LRRC46: variants seen among roughly 807,000 people sequenced by gnomAD.
The protein encoded by LRRC46 is leucine rich repeat containing 46.
In LRRC46, 20 loss-of-function variants were observed where a neutral mutation model predicts 28.0. That is an observed-to-expected ratio of 0.71 (90% confidence interval 0.50 to 1.04). LRRC46 has a LOEUF of 1.04. Among genes scored for constraint, LRRC46 ranks in the 50% least tolerant of loss-of-function variants. LRRC46 has a pLI of 0.00. For missense variants in LRRC46, 315 were observed against 390.1 expected, an observed-to-expected ratio of 0.81 and a Z score of 1.62; for synonymous variants, 156 against 158.8, an observed-to-expected ratio of 0.98 and a Z score of 0.13.
Position 47,831,883 on chromosome 17 carries a change from G to A in LRRC46, c.-107G>A. On this transcript the variant is annotated 5_prime_UTR_variant, in exon 1 of 8. Transcript: ENST00000269025. ...CTTTCCTCCTCTCCTAAGTCTCTGA[G>A]TTTCTCTCTCCTCCTGCCATCCTGA... 1 of 1,473,012 alleles carries A rather than the reference G, an allele frequency of 6.8e-7. No individual in the cohort carries two copies. The highest frequency in any genetic ancestry group is 9.4e-7 in the Non-Finnish European group (1 of 1,061,054). The allele number at this position is 1,473,012 out of a possible 1,614,324, so 91.2% of individuals were successfully genotyped here. A position where few individuals can be genotyped will look rare whatever the true frequency, so the allele number is the denominator to read the frequency against.
rs1180751889 is a variant in LRRC46 at position 47,835,388 on chromosome 17, C to G, written c.261C>G (p.Ile87Met). 6.2e-7 allele frequency: 1 copy of G among 1,614,012 alleles called. No individual in the cohort carries two copies. The highest frequency in any genetic ancestry group is 2.2e-5 in the East Asian group (1 of 44,898). The stretch of plus-strand genomic sequence containing the variant: ...AGCAAATTGAGAACCTGGCTTGCAT[C>G]CCCTCCTTGCGGTATGTGGTGCCAG... Reference protein sequence around the residue: ...KIQQIENLACIPSLRFLSLAG... With the variant: ...KIQQIENLACMPSLRFLSLAG... Residue 87 changes from isoleucine (I) to methionine (M), a missense_variant, in exon 4 of 8, where the codon ATC (isoleucine) becomes ATG (methionine). By Grantham distance (10) the Ile-to-Met change is conservative. Coordinates refer to ENST00000269025, the MANE Select transcript of LRRC46 (RefSeq NM_033413.4).
In LRRC46 at chr17:47,834,504, C is replaced by T. The variant is rs866678903; in HGVS notation, c.196C>T (p.Gln66Ter). 6.2e-7 allele frequency: 1 copy of T among 1,612,898 alleles called. No individual in the cohort carries two copies. The highest frequency in any genetic ancestry group is 1.7e-4 in the Middle Eastern group (1 of 6,060). Residue 66 changes from glutamine to a stop codon, truncating the protein, a stop_gained, in exon 3 of 8, where the codon CAG (glutamine) becomes TAG (stop). Coordinates refer to ENST00000269025, the MANE Select transcript of LRRC46 (RefSeq NM_033413.4). LOFTEE classifies it high-confidence loss of function. The part of the protein sequence containing the change: ...ITTIRNLEGL[Q>*]NLHSLYLQGN... ...TACTATCAGGAACTTAGAAGGCCTC[C>T]AGAATCTTCACAGTCTCTATCTGCA...
Position 47,837,133 on chromosome 17 carries a change from CT to C in LRRC46, c.*16del. 1 of 1,598,938 alleles carries C rather than the reference CT, an allele frequency of 6.3e-7. No homozygotes were observed. The highest frequency in any genetic ancestry group is 1.1e-5 in the South Asian group (1 of 89,440). ...AAGCAAGAAATGATTCTCTGTCAAC[CT>C]TTCTCTACTAGTGGAGAGGAGTGGG... On this transcript the variant is annotated 3_prime_UTR_variant, in exon 8 of 8. Coordinates refer to ENST00000269025, the MANE Select transcript of LRRC46 (RefSeq NM_033413.4).
chr17:47,835,754 C>T lies in LRRC46; in HGVS notation c.361C>T (p.Leu121=), dbSNP rs141933480. Residue 121 remains leucine (L), a synonymous_variant, in exon 5 of 8, where the codon CTG becomes TTG. Transcript: ENST00000269025. ...CCAGTTTCTGGACCTTTCTGAGAAC[C>T]TGATAGAAACATTGAAGCTGGGTAG... ...CLQFLDLSEN[L]IETLKLDEFP... 6.3e-5 allele frequency: 102 copies of T among 1,614,048 alleles called. No individual in the cohort carries two copies. Among genetic ancestry groups the T allele is most frequent in the Non-Finnish European group, 7.9e-5 (93 of 1,180,008 alleles).
Position 47,834,482 on chromosome 17 carries a change from T to C in LRRC46, c.174T>C (p.Thr58=). Residue 58 remains threonine, a synonymous_variant, in exon 3 of 8, where the codon ACT becomes ACC. Coordinates refer to ENST00000269025, the MANE Select transcript of LRRC46 (RefSeq NM_033413.4). The stretch of plus-strand genomic sequence containing the variant: ...GCCTGGACCGGGAGGGGATTACTAC[T>C]ATCAGGAACTTAGAAGGCCTCCAGA... ...TVRLDREGIT[T]IRNLEGLQNL... 6.2e-7 allele frequency: 1 copy of C among 1,613,896 alleles called. No individual in the cohort carries two copies. Among genetic ancestry groups the C allele is most frequent in the Non-Finnish European group, 8.5e-7 (1 of 1,179,874 alleles).
chr17:47,832,033 T>C (rs1228643498), intron 1 of LRRC46, 34 bp downstream of exon 1: 13 of 1,613,656 alleles, frequency 8.1e-6, no homozygotes, highest in Non-Finnish European at 1.1e-5. Context: ...GGTAGAGCAG[T>C]TGGAAAACAG....
In LRRC46 at chr17:47,837,704, C is replaced by A; in HGVS notation, c.*584C>A. On this transcript the variant is annotated 3_prime_UTR_variant, in exon 8 of 8. Coordinates refer to ENST00000269025, the MANE Select transcript of LRRC46 (RefSeq NM_033413.4). The stretch of plus-strand genomic sequence containing the variant: ...AGTTCACTGAAGAGAAAATAAAGCA[C>A]ATTTATTAAGGCAAAGGCCAAGCTG... 1.9e-6 allele frequency: 2 copies of A among 1,051,634 alleles called. No individual in the cohort carries two copies. The highest frequency in any genetic ancestry group is 5.9e-5 in the East Asian group (2 of 34,042). The allele number at this position is 1,051,634 out of a possible 1,614,324, so 65.1% of individuals were successfully genotyped here. A position where few individuals can be genotyped will look rare whatever the true frequency, so the allele number is the denominator to read the frequency against.
At chr17:47,835,833 C>T (rs2041875628) in intron 5 of LRRC46, 58 bp downstream of exon 5, 11 of 1,475,652 alleles carry the variant, frequency 7.5e-6, no homozygotes, top group Admixed American at 1.7e-5. Flanking sequence ...CTGCCCTCCC[C>T]TCTGCACCCA....
chr17:47,834,286 G>C lies in LRRC46; in HGVS notation c.117-139G>C, dbSNP rs149628854. On this transcript the variant is annotated intron_variant, in intron 2 of 7. Transcript: ENST00000269025. ...TCTAGACACCACCTCAAGATGTCAA[G>C]ATGTTTCTCACATCTGATTAAAATG... 7.1e-4 allele frequency: 556 copies of C among 783,948 alleles called. 3 individuals are homozygous for C. The highest frequency in any genetic ancestry group is 4.9e-3 in the South Asian group (252 of 51,456). The allele number at this position is 783,948 out of a possible 1,614,324, so 48.6% of individuals were successfully genotyped here. A position where few individuals can be genotyped will look rare whatever the true frequency, so the allele number is the denominator to read the frequency against.
chr17:47,833,849 C>T (rs569986049), intron 2 of LRRC46: 4 of 830,006 alleles, frequency 4.8e-6, no homozygotes, highest in East Asian at 1.2e-4. Flanking sequence ...CTCCTGGGCT[C>T]GAGCGATCCT....
At position 47,835,695 on chromosome 17, in the gene LRRC46, G is replaced by A. The variant is rs2033685166; in HGVS notation, c.302G>A (p.Arg101Lys). Residue 101 changes from arginine (R) to lysine (K), a missense_variant, in exon 5 of 8, where the codon AGG (arginine) becomes AAG (lysine). Arg to Lys is a conservative substitution (Grantham distance 26). Coordinates refer to ENST00000269025, the MANE Select transcript of LRRC46 (RefSeq NM_033413.4). Reference sequence around the variant, plus strand: ...CTGTCTCTGGCAGGAAACCAAATCAGGCAGGTGGAAAACCTCCTCGACCTC... The same window carrying A: ...CTGTCTCTGGCAGGAAACCAAATCAAGCAGGTGGAAAACCTCCTCGACCTC... ...RFLSLAGNQI[R>K]QVENLLDLPC... The A allele has an allele frequency of 2.5e-6, 4 of 1,614,154 alleles. No individual in the cohort carries two copies. The highest frequency in any genetic ancestry group is 3.4e-6 in the Non-Finnish European group (4 of 1,180,008).
At chr17:47,833,446 C>G (rs2033658378) in intron 2 of LRRC46, among the ~76,000 whole-genome samples, 1 of 143,288 alleles carries the variant, frequency 7.0e-6, no homozygotes, top group Admixed American at 7.3e-5. Context: ...GGCCTTCTTC[C>G]TATTTTTTTT....
Position 47,837,586 on chromosome 17 carries a change from T to G in LRRC46, c.*466T>G. On this transcript the variant is annotated 3_prime_UTR_variant, in exon 8 of 8. Coordinates refer to ENST00000269025, the MANE Select transcript of LRRC46 (RefSeq NM_033413.4). ...CCAGTCCCCATCACTCACCCACTCA[T>G]AGGAATGAGTACACAACCACAGGCC... 1 of 499,188 alleles carries G rather than the reference T, an allele frequency of 2.0e-6. No individual in the cohort carries two copies. Among genetic ancestry groups the G allele is most frequent in the Non-Finnish European group, 3.5e-6 (1 of 286,716 alleles). 30.9% of individuals were successfully genotyped at this position (499,188 alleles called of 1,614,324 possible). A position where few individuals can be genotyped will look rare whatever the true frequency, so the allele number is the denominator to read the frequency against.
chr17:47,833,264 T>C (rs2033655430), intron 2 of LRRC46, among the ~76,000 whole-genome samples: 1 of 152,120 alleles, frequency 6.6e-6, no homozygotes, highest in African/African-American at 2.4e-5. Context: ...GTGCACAGCC[T>C]ATGTACTCCC....
chr17:47,835,899 A>C, intron 5 of LRRC46, 124 bp downstream of exon 5: 1 of 1,296,412 alleles, frequency 7.7e-7, no homozygotes, highest in South Asian at 1.2e-5. Context: ...ATCCTCAGGG[A>C]GTTCAAGGGG....
At chr17:47,835,274 C>G in intron 3 of LRRC46, 79 bp from the exon 4 acceptor site, 2 of 1,436,248 alleles carry the variant, frequency 1.4e-6, no homozygotes, top group Non-Finnish European at 2.0e-6. Context: ...TAGACATGGT[C>G]TTGGGGCTTT....
In LRRC46 at chr17:47,835,772, C is replaced by G. The variant is rs778786590; in HGVS notation, c.379C>G (p.Leu127Val). Residue 127 changes from leucine to valine, a missense_variant, in exon 5 of 8, where the codon CTG (leucine) becomes GTG (valine). Physicochemically the swap from Leu to Val is conservative, Grantham distance 32. Transcript: ENST00000269025. ...LSENLIETLKLDEFPQSLLIL... is the reference protein window; with the variant it reads ...LSENLIETLKVDEFPQSLLIL... ...TGAGAACCTGATAGAAACATTGAAG[C>G]TGGGTAGGAACCCACTCGCCCTGGC... is the stretch of plus-strand genomic sequence containing the variant. 3.7e-6 allele frequency: 6 copies of G among 1,613,662 alleles called. No homozygotes were observed. In the Admixed American group the frequency reaches 8.3e-5, roughly 22 times the overall value.
rs2033714471 is a variant in LRRC46, at chr17:47,837,509, T to A, written c.*389T>A. The A allele has an allele frequency of 7.4e-6, 3 of 404,454 alleles. No individual in the cohort carries two copies. Among genetic ancestry groups the A allele is most frequent in the African/African-American group, 2.1e-5 (1 of 46,880 alleles). 25.1% of individuals were successfully genotyped at this position (404,454 alleles called of 1,614,324 possible). A position where few individuals can be genotyped will look rare whatever the true frequency, so the allele number is the denominator to read the frequency against. ...CAAGCCAAGGACCAAGGAGCTGTGG[T>A]CCTAGTCATCCCCAACAGCAGCCAG... On this transcript the variant is annotated 3_prime_UTR_variant, in exon 8 of 8. Transcript: ENST00000269025.
intron 3 of LRRC46, 26 bp downstream of exon 3, chr17:47,834,559 T>A: frequency 6.7e-7 from 1 of 1,494,684 alleles, no homozygotes; most frequent in Non-Finnish European, 9.3e-7. Flanking sequence ...ACCCTTCCCC[T>A]CCCCTTGACC....
Sources: gnomAD v4.1 joint callset for allele counts (sites outside exome capture counted in the v4.1 genomes callset) on GRCh38, gnomAD v4.1.1 for gene constraint, MANE v1.5 for transcripts, NCBI Gene and HGNC (gene_info 2026-07-23, HGNC 2026-07-21) for gene names.